Variants in RTN4 observed in about 807,000 individuals in gnomAD.
The protein encoded by RTN4 is reticulon-4.
In RTN4, 32 loss-of-function variants were observed where a neutral mutation model predicts 90.4. The observed-to-expected ratio is 0.35, with a 90% confidence interval of 0.27 to 0.48. RTN4 has a LOEUF of 0.48. RTN4 is among the 20% of genes least tolerant of loss of function. The pLI is 0.99. For synonymous variants in RTN4, 629 were observed against 552.5 expected (o/e 1.14, Z -1.94); for missense variants, 1,706 against 1,430.2 (o/e 1.19, Z -3.11).
intron 1 of RTN4, among the ~76,000 whole-genome samples, chr2:55,047,352 T>G (rs1287644161): frequency 2.0e-5 from 3 of 151,942 alleles, no homozygotes; most frequent in Non-Finnish European, 4.4e-5. Context: ...AAAATTCCTG[T>G]TTAAAAATAT....
intron 1 of RTN4, among the ~76,000 whole-genome samples, chr2:55,037,665 G>A (rs1682784184): frequency 6.6e-6 from 1 of 152,118 alleles, no homozygotes; most frequent in South Asian, 2.1e-4. Flanking sequence ...ACTATGACAG[G>A]CTAACTTGTT....
At chr2:54,984,201 G>C (rs1406055798) in intron 4 of RTN4, among the ~76,000 whole-genome samples, 1 of 152,046 alleles carries the variant, frequency 6.6e-6, no homozygotes, top group African/African-American at 2.4e-5. Context: ...TCTCACTCCT[G>C]TATAATTCTA....
intron 1 of RTN4, among the ~76,000 whole-genome samples, chr2:55,042,293 T>A (rs1416442957): frequency 2.0e-5 from 3 of 152,166 alleles, no homozygotes; most frequent in Non-Finnish European, 4.4e-5. Context: ...AGATTTATCC[T>A]ACAACATATA....
chr2:55,113,753 AC>A (rs1339501607), upstream of RTN4, among the ~76,000 whole-genome samples: 1 of 152,114 alleles, frequency 6.6e-6, no homozygotes, highest in African/African-American at 2.4e-5. Flanking sequence ...GGGAGAGGTG[AC>A]CCCCAGTCCA....
intron 2 of RTN4, among the ~76,000 whole-genome samples, chr2:55,074,269 A>G (rs1415484234): frequency 6.6e-6 from 1 of 152,166 alleles, no homozygotes; most frequent in African/African-American, 2.4e-5. Flanking sequence ...TGGGAAACTG[A>G]GGTGGGAGGA....
intron 1 of RTN4, among the ~76,000 whole-genome samples, chr2:55,096,469 A>G (rs1669036867): frequency 6.6e-6 from 1 of 152,002 alleles, no homozygotes. Flanking sequence ...CTCATCTAAT[A>G]TATCTCTCAA....
chr2:55,104,636 C>T (rs77472041), intron 1 of RTN4, among the ~76,000 whole-genome samples: 2 of 152,064 alleles, frequency 1.3e-5, no homozygotes, highest in African/African-American at 4.8e-5. Flanking sequence ...CAGGTGTGAG[C>T]CACCGTGCCT....
At chr2:55,136,751 T>C in the RTN4 span, among the ~76,000 whole-genome samples, 4 of 152,246 alleles carry the variant, frequency 2.6e-5, no homozygotes, top group African/African-American at 9.6e-5. Context: ...ATGAGGTTAC[T>C]AGAAAATTTT....
At chr2:55,060,207 TA>T (rs1273869713) in intron 2 of RTN4, among the ~76,000 whole-genome samples, 1 of 152,240 alleles carries the variant, frequency 6.6e-6, no homozygotes, top group East Asian at 1.9e-4. Context: ...CTATTTTTAT[TA>T]CAAAAAGCTA....
At chr2:55,095,256 G>A (rs1282844585) in intron 1 of RTN4, among the ~76,000 whole-genome samples, 4 of 151,820 alleles carry the variant, frequency 2.6e-5, no homozygotes, top group South Asian at 2.1e-4. Context: ...CCTGGCAGGC[G>A]GAAATTGCAG....
At chr2:55,076,389 CTTTTTTTTTTTTTTTT>C (rs58070912) in intron 2 of RTN4, among the ~76,000 whole-genome samples, 1 of 64,630 alleles carries the variant, frequency 1.5e-5, no homozygotes, top group Admixed American at 2.4e-4. Flanking sequence ...TTCTTTTGTT[CTTTTTTTTTTTTTTTT>C]TTTTTTTTTT....
intron 1 of RTN4, 145 bp from the exon 2 acceptor site, chr2:55,028,365 G>A (rs1236523078): frequency 1.7e-6 from 1 of 603,766 alleles, no homozygotes; most frequent in Non-Finnish European, 2.9e-6. Flanking sequence ...AAGGAAGTCA[G>A]AAAAAGTAGT....
intron 2 of RTN4, among the ~76,000 whole-genome samples, chr2:55,069,649 A>G (rs1227520857): frequency 1.3e-5 from 2 of 152,150 alleles, no homozygotes. Flanking sequence ...CCTCCACCCA[A>G]GCATTCTTCC....
intron 3 of RTN4, among the ~76,000 whole-genome samples, chr2:54,992,885 C>T (rs2580774): frequency 0.33 from 50,409 of 151,098 alleles, 9,454 homozygotes; most frequent in East Asian, 0.63. Flanking sequence ...CTTCCTAACA[C>T]GGTGAAACCC....
intron 4 of RTN4, among the ~76,000 whole-genome samples, chr2:54,984,769 G>A (rs550364673): frequency 6.6e-6 from 1 of 152,274 alleles, no homozygotes; most frequent in South Asian, 2.1e-4. Flanking sequence ...TGGTATGTTG[G>A]CTGAATTTAC....
intron 2 of RTN4, among the ~76,000 whole-genome samples, chr2:55,068,983 C>T (rs1465005214): frequency 6.6e-6 from 1 of 152,144 alleles, no homozygotes; most frequent in Non-Finnish European, 1.5e-5. Context: ...GCCAAGGCAC[C>T]CAAAGTTCGC....
At chr2:55,017,963 G>A (rs1446182085) in intron 3 of RTN4, among the ~76,000 whole-genome samples, 2 of 152,092 alleles carry the variant, frequency 1.3e-5, no homozygotes, top group African/African-American at 2.4e-5. Flanking sequence ...AACTGTGAAC[G>A]GACAAAACCT....
chr2:55,106,455 G>A (rs545418414), intron 1 of RTN4, among the ~76,000 whole-genome samples: 1 of 152,250 alleles, frequency 6.6e-6, no homozygotes, highest in East Asian at 1.9e-4. Context: ...ACAGTTGTGA[G>A]AGGAAAGGAT....
intron 2 of RTN4, among the ~76,000 whole-genome samples, chr2:55,056,200 TC>T (rs1217870691): frequency 6.6e-6 from 1 of 152,124 alleles, no homozygotes; most frequent in Non-Finnish European, 1.5e-5. Context: ...TCCCCTTCTG[TC>T]CCTCAAGGGA....
Sources: gnomAD v4.1 joint callset for allele counts (sites outside exome capture counted in the v4.1 genomes callset) on GRCh38, gnomAD v4.1.1 for gene constraint, MANE v1.5 for transcripts, NCBI Gene and HGNC (gene_info 2026-07-23, HGNC 2026-07-21) for gene names.